The following ZNF148 variants were observed in gnomAD, a reference collection of about 807,000 sequenced individuals.
ZNF148 encodes the protein Beta-Enolase Repressor Factor-1.
Under a neutral mutation model 67.7 loss-of-function variants are expected in ZNF148, and 7 were observed. That is an observed-to-expected ratio of 0.10 (90% CI 0.06 to 0.19). The LOEUF (loss-of-function observed/expected upper bound fraction) is 0.19, where lower values mean the gene tolerates loss of function less well. ZNF148 is among the 10% of genes least tolerant of loss of function. The pLI is 1.00. For synonymous variants in ZNF148, 333 were observed against 330.7 expected, an observed-to-expected ratio of 1.01 and a Z score of -0.08; for missense variants, 583 against 947.1, an observed-to-expected ratio of 0.62 and a Z score of 5.05.
At chr3:125,342,475 C>T (rs1941769946) in intron 1 of ZNF148, among the ~76,000 whole-genome samples, 1 of 151,700 alleles carries the variant, frequency 6.6e-6, no homozygotes, top group South Asian at 2.1e-4. Context: ...AAAAGTGGCA[C>T]AGTATTTTTC....
rs59223831 is a variant in ZNF148, at chr3:125,287,800, TC to T, written c.459+302del. ...CTGATGAATAACTGGTATTACATTTTCCTGAAACCTTAATATAAAGATAAGG... is the reference window on the plus strand; with the variant it reads ...CTGATGAATAACTGGTATTACATTTTCTGAAACCTTAATATAAAGATAAGG... On this transcript the variant is annotated intron_variant, in intron 5 of 8. Transcript: ENST00000360647. Among the ~76,000 whole-genome samples the T allele has an allele frequency of 3.3e-4, 50 of 152,274 alleles. No homozygotes were observed. In the East Asian group the frequency reaches 5.0e-3, roughly 15 times the overall value.
At chr3:125,322,314 A>AT (rs879720472) in intron 3 of ZNF148, among the ~76,000 whole-genome samples, 491 of 142,882 alleles carry the variant, frequency 3.4e-3, no homozygotes, top group African/African-American at 6.8e-3. Context: ...GCCTGAGGCC[A>AT]TTTTTTTTTT....
chr3:125,247,068 G>A (rs2107539465), intron 7 of ZNF148, among the ~76,000 whole-genome samples: 1 of 152,298 alleles, frequency 6.6e-6, no homozygotes, highest in South Asian at 2.1e-4. Flanking sequence ...ACATGTCAAT[G>A]TCAGTTAAAT....
chr3:125,236,387 A>C (rs73859152), intron 7 of ZNF148, among the ~76,000 whole-genome samples: 112 of 152,274 alleles, frequency 7.4e-4, no homozygotes, highest in African/African-American at 2.5e-3. Context: ...TTAAGTGCCA[A>C]ATGAAAGGCA....
At chr3:125,309,797 T>C (rs1940098184) in intron 4 of ZNF148, among the ~76,000 whole-genome samples, 1 of 152,168 alleles carries the variant, frequency 6.6e-6, no homozygotes, top group Admixed American at 6.5e-5. Flanking sequence ...GTCAGTCCAA[T>C]AAAAATGCCA....
In ZNF148 at chr3:125,245,294, G is replaced by A. The variant is rs547248670; in HGVS notation, c.668-10965C>T. Reference sequence around the variant, plus strand: ...TCATGGGGGCATTTCCCCTCATGCCGTTCTCCTGATAGTGAGTTCTCACGA... The same window carrying A: ...TCATGGGGGCATTTCCCCTCATGCCATTCTCCTGATAGTGAGTTCTCACGA... On this transcript the variant is annotated intron_variant, in intron 7 of 8. Transcript: ENST00000360647. 3.9e-5 allele frequency among the ~76,000 whole-genome samples: 6 copies of A among 152,206 alleles called. No individual in the cohort carries two copies. In the East Asian group the frequency reaches 5.8e-4, roughly 15 times the overall value.
chr3:125,238,134 C>A (rs749327963), intron 7 of ZNF148, among the ~76,000 whole-genome samples: 7 of 152,044 alleles, frequency 4.6e-5, no homozygotes, highest in Non-Finnish European at 7.4e-5. Context: ...CAAAAGTTAA[C>A]TGAAAATGGA....
Position 125,231,331 on chromosome 3 carries a change from G to A in ZNF148, c.*1010C>T, listed in dbSNP as rs762908356. On this transcript the variant is annotated 3_prime_UTR_variant, in exon 9 of 9. Coordinates refer to ENST00000360647, the MANE Select transcript of ZNF148 (RefSeq NM_021964.3). ...GCCAAAAGTTAAAATTGTCAATTAC[G>A]AGATGATTATGACACAACCATATCA... 3.3e-5 allele frequency: 5 copies of A among 152,306 alleles called. No homozygotes were observed. Among genetic ancestry groups the A allele is most frequent in the Non-Finnish European group, 7.4e-5 (5 of 67,916 alleles). The allele number at this position is 152,306 out of a possible 1,614,324, so 9.4% of individuals were successfully genotyped here.
Position 125,232,938 on chromosome 3 carries a change from T to C in ZNF148, c.1788A>G (p.Ser596=), listed in dbSNP as rs1935921461. 6.2e-7 allele frequency: 1 copy of C among 1,613,764 alleles called. No homozygotes were observed. Among genetic ancestry groups the C allele is most frequent in the Admixed American group, 1.7e-5 (1 of 59,960 alleles). Reference sequence around the variant, plus strand: ...ATTCCTGCAACATGTTGGCTTTATCTGATGAGGATGCTTGGGAGCTTGATC... The same window carrying C: ...ATTCCTGCAACATGTTGGCTTTATCCGATGAGGATGCTTGGGAGCTTGATC... ...NVGSSSQASS[S]DKANMLQEYS... is the part of the protein sequence containing the mutation. The change falls in exon 9 of 9, where the codon TCA becomes TCG. Residue 596 remains serine, a synonymous_variant. Coordinates refer to ENST00000360647, the MANE Select transcript of ZNF148 (RefSeq NM_021964.3). This position sits in a 1 kb window ranked among gnomAD's most constrained non-coding sequence, Gnocchi z 4.2.
chr3:125,294,808 A>C (rs184381040), intron 4 of ZNF148, among the ~76,000 whole-genome samples: 32 of 152,334 alleles, frequency 2.1e-4, no homozygotes, highest in Admixed American at 1.8e-3. Context: ...TTAAGACAGA[A>C]AGACAAAATT....
chr3:125,344,207 C>A, intron 1 of ZNF148: 1 of 322,196 alleles, frequency 3.1e-6, no homozygotes, highest in South Asian at 3.2e-5. Context: ...ATTTTTCTGC[C>A]ATTAGCCATT....
chr3:125,373,783 A>G (rs919126065), intron 1 of ZNF148, among the ~76,000 whole-genome samples: 1 of 152,154 alleles, frequency 6.6e-6, no homozygotes, highest in African/African-American at 2.4e-5. Context: ...ATGGCAGAAG[A>G]TCTCCCACCA....
chr3:125,261,065 G>A (rs1357249706), intron 7 of ZNF148, among the ~76,000 whole-genome samples: 4 of 152,116 alleles, frequency 2.6e-5, no homozygotes, highest in Non-Finnish European at 5.9e-5. Flanking sequence ...TGAAACACCT[G>A]TTTAGGAGAA....
chr3:125,311,079 GA>G, intron 4 of ZNF148: 1 of 208,340 alleles, frequency 4.8e-6, no homozygotes, highest in Admixed American at 4.4e-5. Flanking sequence ...AAGCTCTAGG[GA>G]AAATGGACAT....
chr3:125,323,053 AC>A (rs1221737128), intron 3 of ZNF148, among the ~76,000 whole-genome samples: 1 of 152,160 alleles, frequency 6.6e-6, no homozygotes, highest in Non-Finnish European at 1.5e-5. Context: ...AAAGTGTTAA[AC>A]CAAGAAAATA....
At chr3:125,263,844 T>C (rs1002698168) in intron 7 of ZNF148, among the ~76,000 whole-genome samples, 1 of 152,120 alleles carries the variant, frequency 6.6e-6, no homozygotes, top group Non-Finnish European at 1.5e-5. Flanking sequence ...AGCTTCAGGA[T>C]AGGGGCTGGT....
At chr3:125,363,685 C>T (rs924786489) in intron 1 of ZNF148, among the ~76,000 whole-genome samples, 10 of 151,064 alleles carry the variant, frequency 6.6e-5, no homozygotes, top group African/African-American at 2.2e-4. Context: ...GAGACAGGGT[C>T]TCCCTCTGTC....
intron 7 of ZNF148, among the ~76,000 whole-genome samples, chr3:125,268,208 A>G (rs1450715636): frequency 6.7e-6 from 1 of 149,746 alleles, no homozygotes. Flanking sequence ...ACAGACATAG[A>G]AAAAACTATT....
At chr3:125,360,127 A>G (rs1942491183) in intron 1 of ZNF148, among the ~76,000 whole-genome samples, 1 of 152,184 alleles carries the variant, frequency 6.6e-6, no homozygotes. Context: ...CTCTGCTGCA[A>G]GCTACTCTCT....
Sources: gnomAD v4.1 joint callset for allele counts (sites outside exome capture counted in the v4.1 genomes callset) on GRCh38, gnomAD v4.1.1 for gene constraint, Gnocchi (gnomAD v3.1) non-coding constraint, MANE v1.5 for transcripts, NCBI Gene and HGNC (gene_info 2026-07-23, HGNC 2026-07-21) for gene names.